The following SNX25 variants were observed in gnomAD, a reference collection of about 807,000 sequenced individuals.
SNX25 encodes the protein sorting nexin-25.
Under a neutral mutation model 113.7 loss-of-function variants are expected in SNX25, and 62 were observed. The observed-to-expected ratio is 0.55, with a 90% confidence interval of 0.44 to 0.67. The LOEUF (loss-of-function observed/expected upper bound fraction) is 0.67, where lower values mean the gene tolerates loss of function less well. SNX25 is among the 30% of genes least tolerant of loss of function. SNX25 has a pLI of 0.00. For missense variants in SNX25, 1,014 were observed against 1,161.0 expected (o/e 0.87, Z 1.84); for synonymous variants, 421 against 436.2 (o/e 0.97, Z 0.43).
At chr4:185,261,114 C>CTGTGTGTGTGTGTGTCTG (rs1747258271) in intron 3 of SNX25, among the ~76,000 whole-genome samples, 2 of 141,658 alleles carry the variant, frequency 1.4e-5, no homozygotes, top group African/African-American at 5.3e-5. Flanking sequence ...CTGTCTGTCT[C>CTGTGTGTGTGTGTGTCTG]TGTGTGTGTG....
chr4:185,357,697 A>T lies in SNX25; in HGVS notation c.2611A>T (p.Ile871Phe). ...GTTTAAATGGGTGAGAAGAACATTA[A>T]TTGCCCTCGTTCAGGTCACTTTTGG... ...GMFKWVRRTL[I>F]ALVQVTFGRT... The change falls in exon 16 of 19, where the codon ATT becomes TTT. Residue 871 changes from isoleucine (I) to phenylalanine (F), a missense_variant. Physicochemically the swap from Ile to Phe is conservative, Grantham distance 21. Coordinates refer to ENST00000652585, the MANE Select transcript of SNX25 (RefSeq NM_001378034.2). The T allele has an allele frequency of 6.2e-7, 1 of 1,614,114 alleles. No homozygotes were observed. The highest frequency in any genetic ancestry group is 1.3e-5 in the African/African-American group (1 of 75,020).
intron 1 of SNX25, among the ~76,000 whole-genome samples, chr4:185,223,406 C>T (rs1013654737): frequency 6.6e-6 from 1 of 152,106 alleles, no homozygotes; most frequent in South Asian, 2.1e-4. Context: ...TCAACATGCT[C>T]CTCTGTGTGC....
Position 185,363,039 on chromosome 4 carries a change from C to T in SNX25, c.2934+328C>T, listed in dbSNP as rs933208858. 6.6e-5 allele frequency among the ~76,000 whole-genome samples: 10 copies of T among 151,942 alleles called. No individual in the cohort carries two copies. Among genetic ancestry groups the T allele is most frequent in the South Asian group, 2.1e-4 (1 of 4,816 alleles). The stretch of plus-strand genomic sequence containing the variant: ...TGTATTTTTAGTAGAGATGGGGTTT[C>T]GCCATGTTGGCTGGGATGGTCTCTA... On this transcript the variant is annotated intron_variant, in intron 18 of 18. Transcript: ENST00000652585. This position sits in a 1 kb window ranked among gnomAD's most constrained non-coding sequence, Gnocchi z 4.2.
intron 1 of SNX25, among the ~76,000 whole-genome samples, chr4:185,228,717 AAG>A (rs1741376040): frequency 6.6e-6 from 1 of 152,046 alleles, no homozygotes; most frequent in South Asian, 2.1e-4. Flanking sequence ...GGGTAATTTT[AAG>A]AGAGGCGATA....
At chr4:185,237,213 CAG>C (rs1304555302) in intron 1 of SNX25, among the ~76,000 whole-genome samples, 3 of 152,144 alleles carry the variant, frequency 2.0e-5, no homozygotes, top group African/African-American at 7.2e-5. Flanking sequence ...GATAACCTCT[CAG>C]TATCATGTTA....
chr4:185,220,540 T>C (rs1054351313), intron 1 of SNX25, among the ~76,000 whole-genome samples: 2 of 146,224 alleles, frequency 1.4e-5, no homozygotes, highest in Non-Finnish European at 3.0e-5. Flanking sequence ...TGGGGTGCAG[T>C]GTGCGATCGC....
chr4:185,216,546 T>C (rs547994034), intron 1 of SNX25, among the ~76,000 whole-genome samples: 1 of 121,556 alleles, frequency 8.2e-6, no homozygotes, highest in South Asian at 2.6e-4. Flanking sequence ...TGAGATGGAG[T>C]GTTGCTCTTG....
chr4:185,374,315 T>C, downstream of SNX25: 2 of 1,614,090 alleles, frequency 1.2e-6, no homozygotes, highest in Non-Finnish European at 1.7e-6. Context: ...TCAGGTAGGA[T>C]TACCTTTCAG....
intron 7 of SNX25, among the ~76,000 whole-genome samples, chr4:185,318,364 G>A (rs779149192): frequency 1.5e-4 from 23 of 152,112 alleles, no homozygotes; most frequent in Admixed American, 6.5e-4. Flanking sequence ...GAATTATTAT[G>A]AAGGTCATCT....
chr4:185,227,340 G>A (rs1023098868), intron 1 of SNX25, among the ~76,000 whole-genome samples: 1 of 152,324 alleles, frequency 6.6e-6, no homozygotes, highest in Non-Finnish European at 1.5e-5. Flanking sequence ...GGGAGGTTGT[G>A]GGTTCACAAC....
intron 3 of SNX25, among the ~76,000 whole-genome samples, chr4:185,261,274 T>C (rs1335382543): frequency 6.6e-6 from 1 of 152,180 alleles, no homozygotes; most frequent in Non-Finnish European, 1.5e-5. Flanking sequence ...GCTTCTCTGG[T>C]TCAAGAATTC....
chr4:185,219,900 T>G (rs1190533106), intron 1 of SNX25, among the ~76,000 whole-genome samples: 1 of 147,098 alleles, frequency 6.8e-6, no homozygotes, highest in East Asian at 1.9e-4. Context: ...TGAAGCAGAG[T>G]TGTTAATCTT....
intron 3 of SNX25, among the ~76,000 whole-genome samples, chr4:185,259,890 G>A (rs1484260662): frequency 6.6e-6 from 1 of 151,948 alleles, no homozygotes; most frequent in Non-Finnish European, 1.5e-5. Context: ...GCTGCTGAAT[G>A]CGGCTGCACA....
At chr4:185,238,635 G>A (rs1411705338) in intron 1 of SNX25, among the ~76,000 whole-genome samples, 1 of 152,094 alleles carries the variant, frequency 6.6e-6, no homozygotes. Flanking sequence ...GCCATGGGAC[G>A]GCTCCATGTG....
chr4:185,255,299 A>G (rs1444329194), intron 2 of SNX25, among the ~76,000 whole-genome samples: 1 of 151,862 alleles, frequency 6.6e-6, no homozygotes, highest in Non-Finnish European at 1.5e-5. Context: ...ACGCACGGCT[A>G]ATTTTTGTAT....
downstream of SNX25, chr4:185,374,140 CTAA>C (rs1231709438): frequency 1.2e-6 from 2 of 1,613,308 alleles, no homozygotes; most frequent in South Asian, 2.2e-5. Context: ...GTTACCTTTT[CTAA>C]CTCCTTGGGC....
chr4:185,266,293 C>A (rs1448557220), intron 4 of SNX25, among the ~76,000 whole-genome samples: 5 of 152,078 alleles, frequency 3.3e-5, no homozygotes, highest in Non-Finnish European at 5.9e-5. Flanking sequence ...CTAAGCTTGT[C>A]AAAACGTATT....
chr4:185,251,634 T>TGTGC (rs1745676304), intron 2 of SNX25, among the ~76,000 whole-genome samples: 2 of 148,326 alleles, frequency 1.3e-5, no homozygotes, highest in South Asian at 4.4e-4. Flanking sequence ...TGTGTGTGTG[T>TGTGC]GTGCCACATT....
chr4:185,374,255 G>C, downstream of SNX25: 1 of 1,614,114 alleles, frequency 6.2e-7, no homozygotes. Flanking sequence ...AAGAGAAAGT[G>C]AGGCATGTTA....
Sources: gnomAD v4.1 joint callset for allele counts (sites outside exome capture counted in the v4.1 genomes callset) on GRCh38, gnomAD v4.1.1 for gene constraint, Gnocchi (gnomAD v3.1) non-coding constraint, MANE v1.5 for transcripts, NCBI Gene and HGNC (gene_info 2026-07-23, HGNC 2026-07-21) for gene names.